The following GYS2 variants were observed in gnomAD, a reference collection of about 807,000 sequenced individuals.
GYS2 encodes glycogen synthase 2.
Under a neutral mutation model 85.6 loss-of-function variants are expected in GYS2, and 80 were observed. The ratio of observed to expected loss-of-function variants is 0.93; its 90% confidence interval spans 0.78 to 1.13. The LOEUF is 1.13. GYS2 is among the 50% of genes most tolerant of loss of function. The pLI is 0.00. For missense variants in GYS2, 881 were observed against 854.9 expected (o/e 1.03, Z -0.38); for synonymous variants, 328 against 300.7 (o/e 1.09, Z -0.94).
intron 1 of GYS2, among the ~76,000 whole-genome samples, chr12:21,598,010 G>A (rs1159975041): frequency 2.6e-5 from 4 of 152,074 alleles, no homozygotes; most frequent in Non-Finnish European, 4.4e-5. Context: ...CATGTAGGTA[G>A]AGAGTAGAAT....
intron 4 of GYS2, among the ~76,000 whole-genome samples, chr12:21,570,222 G>C (rs564879047): frequency 6.6e-6 from 1 of 152,296 alleles, no homozygotes; most frequent in African/African-American, 2.4e-5. Flanking sequence ...GCTTGGATCA[G>C]CAGAAGTTTT....
At chr12:21,598,468 T>A (rs746190691) in intron 1 of GYS2, among the ~76,000 whole-genome samples, 8 of 152,068 alleles carry the variant, frequency 5.3e-5, no homozygotes, top group Non-Finnish European at 2.9e-5. Flanking sequence ...TCCAACACCA[T>A]TTTAGCCCTT....
intron 7 of GYS2, among the ~76,000 whole-genome samples, chr12:21,561,341 T>C (rs1313278994): frequency 2.6e-5 from 4 of 152,166 alleles, no homozygotes; most frequent in African/African-American, 9.7e-5. Context: ...TGAACCTCTA[T>C]GAAGGTTTAT....
intron 13 of GYS2, among the ~76,000 whole-genome samples, chr12:21,541,495 C>T (rs894947582): frequency 6.6e-6 from 1 of 151,884 alleles, no homozygotes. Flanking sequence ...TATGTACTAT[C>T]TAATGACCAA....
intron 11 of GYS2, among the ~76,000 whole-genome samples, chr12:21,555,695 A>G (rs1944170948): frequency 6.6e-6 from 1 of 152,140 alleles, no homozygotes; most frequent in Admixed American, 6.5e-5. Flanking sequence ...TCCTTTCCTA[A>G]TTCCTGTTTT....
chr12:21,592,500 A>G (rs148338245), intron 1 of GYS2, among the ~76,000 whole-genome samples: 18 of 152,216 alleles, frequency 1.2e-4, no homozygotes, highest in East Asian at 5.8e-4. Flanking sequence ...AGTTATACCT[A>G]TAACAGATAA....
chr12:21,585,534 A>G (rs1215930832), intron 1 of GYS2, among the ~76,000 whole-genome samples: 1 of 148,276 alleles, frequency 6.7e-6, no homozygotes, highest in Non-Finnish European at 1.5e-5. Flanking sequence ...CAGGACTACA[A>G]ATAAAGGTTT....
chr12:21,600,225 T>A (rs1944740571), intron 1 of GYS2, among the ~76,000 whole-genome samples: 1 of 152,160 alleles, frequency 6.6e-6, no homozygotes, highest in Admixed American at 6.5e-5. Context: ...TGGATTCAAT[T>A]GATCCTCCTG....
intron 11 of GYS2, among the ~76,000 whole-genome samples, chr12:21,551,111 T>C (rs1185013348): frequency 6.6e-6 from 1 of 151,108 alleles, no homozygotes; most frequent in African/African-American, 2.4e-5. Flanking sequence ...CTGCACCCAC[T>C]AACTCGTTAT....
intron 6 of GYS2, 24 bp from the exon 7 acceptor site, chr12:21,563,062 G>A: frequency 6.4e-7 from 1 of 1,554,324 alleles, no homozygotes; most frequent in Non-Finnish European, 8.9e-7. Flanking sequence ...AAACCAAACA[G>A]TTTCAAATGA....
chr12:21,568,660 T>A (rs1475859681), intron 5 of GYS2, among the ~76,000 whole-genome samples: 1 of 152,214 alleles, frequency 6.6e-6, no homozygotes, highest in African/African-American at 2.4e-5. Flanking sequence ...AAGCACAGAT[T>A]GAACACTTAG....
At chr12:21,600,425 G>A (rs1463349170) in intron 1 of GYS2, among the ~76,000 whole-genome samples, 1 of 152,076 alleles carries the variant, frequency 6.6e-6, no homozygotes, top group East Asian at 1.9e-4. Flanking sequence ...ACCATGCTGG[G>A]CCTTGATGGA....
intron 1 of GYS2, among the ~76,000 whole-genome samples, chr12:21,588,142 T>A (rs1339011750): frequency 6.6e-6 from 1 of 152,268 alleles, no homozygotes; most frequent in African/African-American, 2.4e-5. Flanking sequence ...GATCCTGGCA[T>A]CAATCTTCAA....
chr12:21,582,832 T>C (rs1314155543), intron 1 of GYS2, among the ~76,000 whole-genome samples: 1 of 152,186 alleles, frequency 6.6e-6, no homozygotes, highest in Non-Finnish European at 1.5e-5. Flanking sequence ...ACACTGATAA[T>C]CCTTGGCATC....
At chr12:21,566,540 G>C (rs1591794629) in intron 5 of GYS2, among the ~76,000 whole-genome samples, 1 of 152,150 alleles carries the variant, frequency 6.6e-6, no homozygotes, top group East Asian at 1.9e-4. Context: ...AACTTCCAGA[G>C]AAAGCTAGCT....
At chr12:21,556,844 A>T (rs923014923) in intron 11 of GYS2, among the ~76,000 whole-genome samples, 3 of 152,236 alleles carry the variant, frequency 2.0e-5, no homozygotes, top group Non-Finnish European at 4.4e-5. Context: ...TTTTGTAAAA[A>T]CATCAAAGGG....
intron 1 of GYS2, among the ~76,000 whole-genome samples, chr12:21,595,544 G>A (rs1439159375): frequency 6.6e-6 from 1 of 152,196 alleles, no homozygotes; most frequent in Non-Finnish European, 1.5e-5. Context: ...GGCCATTCCT[G>A]CCTGGCATAG....
At chr12:21,594,405 T>C (rs1944673145) in intron 1 of GYS2, among the ~76,000 whole-genome samples, 1 of 152,132 alleles carries the variant, frequency 6.6e-6, no homozygotes. Flanking sequence ...TCAGTAAAGT[T>C]ACAGGAGACA....
At chr12:21,586,846 T>C (rs573051313) in intron 1 of GYS2, among the ~76,000 whole-genome samples, 4 of 152,108 alleles carry the variant, frequency 2.6e-5, no homozygotes. Context: ...GTGAAAGAGA[T>C]CATATTAAAA....
Sources: allele counts gnomAD v4.1 joint callset (sites outside exome capture counted in the v4.1 genomes callset), GRCh38; gene constraint gnomAD v4.1.1; transcripts MANE v1.5; gene names NCBI Gene and HGNC (gene_info 2026-07-23, HGNC 2026-07-21).